The following FASTKD2 variants were observed in gnomAD, a reference collection of about 807,000 sequenced individuals.
FASTKD2 encodes FAST kinase domains 2.
In FASTKD2, 51 loss-of-function variants were observed where a neutral mutation model predicts 63.6. The ratio of observed to expected loss-of-function variants is 0.80; its 90% CI spans 0.64 to 1.01. FASTKD2 has a LOEUF of 1.01. Ranked by LOEUF, FASTKD2 falls within the 50% of genes least tolerant of loss-of-function variation. FASTKD2 has a pLI of 0.00. For missense variants in FASTKD2, 786 were observed against 831.1 expected (o/e 0.95, Z 0.67); for synonymous variants, 284 against 293.4 (o/e 0.97, Z 0.33).
Position 206,766,763 on chromosome 2 carries a change from T to G in FASTKD2, c.70T>G (p.Phe24Val), listed in dbSNP as rs1689497905. The part of the protein sequence containing the change: ...ESKMNNKAGS[F>V]FWNLRQFSTL... ...CAAAATGAATAACAAAGCGGGCTCC[T>G]TTTTCTGGAACCTTAGACAATTCAG... The change falls in exon 2 of 12, where the codon TTT becomes GTT. Residue 24 changes from phenylalanine (F) to valine (V), a missense_variant. Transcript: ENST00000402774. 6.2e-7 allele frequency: 1 copy of G among 1,613,520 alleles called. No homozygotes were observed. Among genetic ancestry groups the G allele is most frequent in the Non-Finnish European group, 8.5e-7 (1 of 1,179,636 alleles).
intron 7 of FASTKD2, among the ~76,000 whole-genome samples, chr2:206,781,715 C>G (rs906153750): frequency 1.3e-5 from 2 of 150,150 alleles, no homozygotes; most frequent in Non-Finnish European, 3.0e-5. Flanking sequence ...TGTCTTGCTC[C>G]CTCTGGTGTC....
In FASTKD2 at chr2:206,792,705, A is replaced by C. The variant is rs1675405776; in HGVS notation, c.*903A>C. Among the ~76,000 whole-genome samples the C allele has an allele frequency of 1.3e-5, 2 of 152,158 alleles. No individual in the cohort carries two copies. Among genetic ancestry groups the C allele is most frequent in the Non-Finnish European group, 2.9e-5 (2 of 68,026 alleles). On this transcript the variant is annotated 3_prime_UTR_variant, in exon 12 of 12. Coordinates refer to ENST00000402774, the MANE Select transcript of FASTKD2 (RefSeq NM_001136193.2). ...TTGGTGTTATTCTGCCCCCAAGCAC[A>C]CAGACATGCAATTACTAGACATCTT...
chr2:206,771,406 T>C, intron 4 of FASTKD2, 116 bp downstream of exon 4: 1 of 705,640 alleles, frequency 1.4e-6, no homozygotes, highest in Non-Finnish European at 2.6e-6. Context: ...TAGGTTTAGC[T>C]TCACTAAAGT....
rs762614274 is a variant in FASTKD2 at position 206,767,341 on chromosome 2, C to T, written c.648C>T (p.Leu216=). 3 of 1,614,162 alleles carry T rather than the reference C, an allele frequency of 1.9e-6. No individual in the cohort carries two copies. The highest frequency in any genetic ancestry group is 3.3e-5 in the Admixed American group (2 of 60,036). The change falls in exon 2 of 12, where the codon CTC becomes CTT. Residue 216 remains leucine, a synonymous_variant. Coordinates refer to ENST00000402774, the MANE Select transcript of FASTKD2 (RefSeq NM_001136193.2). ...LMFSHPAFNQ[L]CEHMMREAKI... ...TTAGCCACCCTGCATTTAATCAGCT[C>T]TGTGAACATATGATGAGAGAAGCCA...
At chr2:206,772,351 C>T (rs889457979) in intron 6 of FASTKD2, 31 bp downstream of exon 6, 9 of 1,605,468 alleles carry the variant, frequency 5.6e-6, no homozygotes, top group Non-Finnish European at 6.8e-6. Context: ...GAATAAGCCT[C>T]ACAAACTTTT....
At chr2:206,769,701 C>A (rs1238314578) in intron 2 of FASTKD2, among the ~76,000 whole-genome samples, 1 of 152,200 alleles carries the variant, frequency 6.6e-6, no homozygotes, top group Non-Finnish European at 1.5e-5. Flanking sequence ...GGCTAGTTAC[C>A]TTCTGTACTT....
At chr2:206,781,812 G>A (rs1204898660) in intron 7 of FASTKD2, among the ~76,000 whole-genome samples, 2 of 151,712 alleles carry the variant, frequency 1.3e-5, no homozygotes, top group Admixed American at 1.3e-4. Context: ...GCTGTCTGCT[G>A]CAAGCCACTG....
chr2:206,771,361 G>A, intron 4 of FASTKD2, 71 bp downstream of exon 4: 2 of 899,506 alleles, frequency 2.2e-6, no homozygotes, highest in South Asian at 1.4e-5. Context: ...ATCACTGCCT[G>A]AAGTCAATTT....
chr2:206,788,589 G>A (rs1690197276), intron 9 of FASTKD2, among the ~76,000 whole-genome samples: 1 of 151,858 alleles, frequency 6.6e-6, no homozygotes, highest in African/African-American at 2.4e-5. Flanking sequence ...ACAAAACTTA[G>A]ATGGGCGTGA....
chr2:206,785,919 C>A (rs1690126605), intron 7 of FASTKD2, among the ~76,000 whole-genome samples: 1 of 152,164 alleles, frequency 6.6e-6, no homozygotes. Context: ...ACCAGTTATT[C>A]ACTATCAGGC....
chr2:206,786,941 T>TA, intron 8 of FASTKD2, 42 bp downstream of exon 8: 1 of 998,698 alleles, frequency 1.0e-6, no homozygotes, highest in Non-Finnish European at 1.5e-6. Context: ...TGTGACCAAT[T>TA]CTGCACTACC....
intron 7 of FASTKD2, among the ~76,000 whole-genome samples, chr2:206,778,687 C>A (rs1689885672): frequency 6.6e-6 from 1 of 151,756 alleles, no homozygotes. Flanking sequence ...GACCCCAGCC[C>A]CCAGGCCACG....
At position 206,771,990 on chromosome 2, in the gene FASTKD2, CTGGATGA is replaced by C; in HGVS notation, c.1088_1094del (p.Leu363HisfsTer7). On this transcript the variant is annotated frameshift_variant, in exon 5 of 12. Coordinates refer to ENST00000402774, the MANE Select transcript of FASTKD2 (RefSeq NM_001136193.2). LOFTEE classifies it high-confidence loss of function. ...CATGAATCACCGATCTCTTATACTC[CTGGATGA>C]ATGCAGTAAGGTGGTCCTAGGTAAG... is the stretch of plus-strand genomic sequence containing the variant. The C allele has an allele frequency of 6.2e-7, 1 of 1,613,600 alleles. No homozygotes were observed. The highest frequency in any genetic ancestry group is 8.5e-7 in the Non-Finnish European group (1 of 1,179,534).
At position 206,765,672 on chromosome 2, in the gene FASTKD2, T is replaced by C; in HGVS notation, c.-126T>C. ...GCTCTAAGGTGAGTGGAGGACGAGC[T>C]TGGGCTTAGCGGCAGCCCGTATCAC... On this transcript the variant is annotated 5_prime_UTR_variant, in exon 1 of 12. Coordinates refer to ENST00000402774, the MANE Select transcript of FASTKD2 (RefSeq NM_001136193.2). 2.9e-6 allele frequency: 1 copy of C among 339,386 alleles called. No individual in the cohort carries two copies. Among genetic ancestry groups the C allele is most frequent in the Non-Finnish European group, 4.2e-6 (1 of 235,600 alleles). The allele number at this position is 339,386 out of a possible 1,614,324, so 21.0% of individuals were successfully genotyped here.
intron 9 of FASTKD2, 72 bp from the exon 10 acceptor site, chr2:206,788,747 A>AG (rs1214972024): frequency 1.3e-6 from 1 of 793,554 alleles, no homozygotes; most frequent in Non-Finnish European, 2.1e-6. Flanking sequence ...AAAAAAAAAA[A>AG]AGGAAAAGAA....
At chr2:206,769,185 G>A (rs1043784947) in intron 2 of FASTKD2, among the ~76,000 whole-genome samples, 1 of 152,222 alleles carries the variant, frequency 6.6e-6, no homozygotes, top group African/African-American at 2.4e-5. Context: ...ACATAGACAA[G>A]TGGTCTTTTC....
At chr2:206,786,181 G>T (rs1690133328) in intron 7 of FASTKD2, among the ~76,000 whole-genome samples, 1 of 152,156 alleles carries the variant, frequency 6.6e-6, no homozygotes, top group African/African-American at 2.4e-5. Flanking sequence ...CCCTGATTTT[G>T]ATCTTTTCTG....
At chr2:206,779,375 A>G (rs1413656701) in intron 7 of FASTKD2, among the ~76,000 whole-genome samples, 2 of 152,032 alleles carry the variant, frequency 1.3e-5, no homozygotes, top group Non-Finnish European at 2.9e-5. Flanking sequence ...GTATTAGTCT[A>G]TTCTCACGTT....
chr2:206,791,522 A>T, intron 11 of FASTKD2, 161 bp from the exon 12 acceptor site: 2 of 656,032 alleles, frequency 3.0e-6, no homozygotes, highest in Non-Finnish European at 5.4e-6. Flanking sequence ...AAACCCTAGC[A>T]TGTAGTCTTA....
Sources: gnomAD v4.1 joint callset for allele counts (sites outside exome capture counted in the v4.1 genomes callset) on GRCh38, gnomAD v4.1.1 for gene constraint, MANE v1.5 for transcripts, NCBI Gene and HGNC (gene_info 2026-07-23, HGNC 2026-07-21) for gene names.